The following TBC1D8 variants were observed in gnomAD, a reference collection of about 807,000 sequenced individuals.
TBC1D8 encodes TBC1 domain family member 8, also known as BUB2-like protein 1.
In TBC1D8, 65 loss-of-function variants were observed where a neutral mutation model predicts 118.8. The ratio of observed to expected loss-of-function variants is 0.55; its 90% CI spans 0.45 to 0.67. The LOEUF (loss-of-function observed/expected upper bound fraction) is 0.67. TBC1D8 is among the 30% of genes least tolerant of loss of function. The pLI, the probability that TBC1D8 is intolerant of heterozygous loss-of-function variation, is 0.00. For missense variants in TBC1D8, 1,376 were observed against 1,471.2 expected, an observed-to-expected ratio of 0.94 and a Z score of 1.06; for synonymous variants, 566 against 595.8, an observed-to-expected ratio of 0.95 and a Z score of 0.73.
intron 1 of TBC1D8, among the ~76,000 whole-genome samples, chr2:101,122,797 G>A (rs954030416): frequency 1.2e-4 from 18 of 152,162 alleles, no homozygotes; most frequent in African/African-American, 3.9e-4. Flanking sequence ...ATCCGCTTGC[G>A]TTTTTCAACA....
chr2:101,139,139 C>T (rs752273210), intron 1 of TBC1D8, among the ~76,000 whole-genome samples: 4 of 151,994 alleles, frequency 2.6e-5, no homozygotes, highest in African/African-American at 7.2e-5. Flanking sequence ...CAACATTCCT[C>T]CGGAACTGGC....
intron 1 of TBC1D8, among the ~76,000 whole-genome samples, chr2:101,107,631 A>G (rs548753591): frequency 6.6e-6 from 1 of 152,334 alleles, no homozygotes; most frequent in Admixed American, 6.5e-5. Context: ...AGCAATGAGC[A>G]CACATAGAGC....
In TBC1D8 at chr2:101,032,250, G is replaced by A; in HGVS notation, c.1936+18C>T. 1 of 1,608,560 alleles carries A rather than the reference G, an allele frequency of 6.2e-7. No individual in the cohort carries two copies. Among genetic ancestry groups the A allele is most frequent in the Non-Finnish European group, 8.5e-7 (1 of 1,175,622 alleles). On this transcript the variant is annotated intron_variant, in intron 11 of 19. Coordinates refer to ENST00000409318, the MANE Select transcript of TBC1D8 (RefSeq NM_001330348.2). ...ACTCTTCCCCAGATACACAGGAGGAGGAAGGGGGTCTGTTTACCGATCACT... is the reference window on the plus strand; with the variant it reads ...ACTCTTCCCCAGATACACAGGAGGAAGAAGGGGGTCTGTTTACCGATCACT...
At chr2:101,069,517 C>T (rs1041048899) in intron 2 of TBC1D8, among the ~76,000 whole-genome samples, 7 of 152,072 alleles carry the variant, frequency 4.6e-5, no homozygotes, top group Non-Finnish European at 8.8e-5. Context: ...ACCTGGGAGG[C>T]GGAGGTTGCA....
chr2:101,143,290 T>C (rs1357985638), intron 1 of TBC1D8, among the ~76,000 whole-genome samples: 1 of 152,116 alleles, frequency 6.6e-6, no homozygotes, highest in African/African-American at 2.4e-5. Context: ...CTCGAACTGC[T>C]GACCTCGTGA....
Position 101,011,022 on chromosome 2 carries a change from A to C in TBC1D8, c.2922T>G (p.Asp974Glu). 6.2e-7 allele frequency: 1 copy of C among 1,611,852 alleles called. No individual in the cohort carries two copies. The highest frequency in any genetic ancestry group is 8.5e-7 in the Non-Finnish European group (1 of 1,179,596). The change falls in exon 19 of 20, where the codon GAT (aspartate) becomes GAG (glutamate). Residue 974 changes from aspartate (D) to glutamate (E), a missense_variant. Coordinates refer to ENST00000409318, the MANE Select transcript of TBC1D8 (RefSeq NM_001330348.2). ...TCAGCTGTTTCTGATAATCAACTGC[A>C]TCACCTTGAAACAAAGGAAAACAAT... The part of the protein sequence containing the change: ...RPLVFGKPNG[D>E]AVDYQKQLKQ...
chr2:101,033,326 G>A, intron 10 of TBC1D8: 3 of 649,594 alleles, frequency 4.6e-6, no homozygotes, highest in Non-Finnish European at 8.4e-6. Flanking sequence ...TGTTGGCCAG[G>A]ATGGTCTCGA....
chr2:101,018,741 A>G (rs950922005), intron 17 of TBC1D8, among the ~76,000 whole-genome samples: 1 of 152,110 alleles, frequency 6.6e-6, no homozygotes, highest in Non-Finnish European at 1.5e-5. Context: ...AAACCTCCAA[A>G]TTGTCTCATT....
At chr2:101,136,399 T>A (rs569246134) in intron 1 of TBC1D8, among the ~76,000 whole-genome samples, 1 of 152,190 alleles carries the variant, frequency 6.6e-6, no homozygotes, top group Non-Finnish European at 1.5e-5. Context: ...TCCTGAGGCC[T>A]CACCAGAAGC....
intron 5 of TBC1D8, 72 bp downstream of exon 5, chr2:101,050,329 G>A (rs1438947978): frequency 3.9e-6 from 6 of 1,540,902 alleles, no homozygotes; most frequent in Non-Finnish European, 5.2e-6. Flanking sequence ...AAAAGCACTT[G>A]TACATAAGGG....
rs1275010111 is a variant in TBC1D8, at chr2:101,008,428, T to G, written c.3016-155A>C. ...GTCTCTGCCTTTCCACTCTAAACTATTAACAGTGGTGATTCCTGGGAATTT... is the reference window on the plus strand; with the variant it reads ...GTCTCTGCCTTTCCACTCTAAACTAGTAACAGTGGTGATTCCTGGGAATTT... On this transcript the variant is annotated intron_variant, in intron 19 of 19. Transcript: ENST00000409318. Among the ~76,000 whole-genome samples the G allele has an allele frequency of 2.6e-5, 4 of 152,162 alleles. No homozygotes were observed. In the East Asian group the frequency reaches 7.7e-4, roughly 29 times the overall value.
chr2:101,117,845 G>A (rs910462496), intron 1 of TBC1D8, among the ~76,000 whole-genome samples: 1 of 149,444 alleles, frequency 6.7e-6, no homozygotes, highest in African/African-American at 2.5e-5. Flanking sequence ...AAAGTGCTGG[G>A]ATTACAGGCG....
At chr2:101,144,175 T>G (rs1679230004) in intron 1 of TBC1D8, among the ~76,000 whole-genome samples, 1 of 152,196 alleles carries the variant, frequency 6.6e-6, no homozygotes, top group African/African-American at 2.4e-5. Flanking sequence ...TCAAGAGTGC[T>G]CTGGTGACAA....
intron 2 of TBC1D8, among the ~76,000 whole-genome samples, chr2:101,070,717 AATCTG>A (rs761971407): frequency 3.4e-4 from 51 of 152,078 alleles, no homozygotes; most frequent in South Asian, 4.1e-4. Flanking sequence ...CCAGCCAACA[AATCTG>A]ATTTTTAAGA....
At chr2:101,119,925 G>C (rs1422964177) in intron 1 of TBC1D8, among the ~76,000 whole-genome samples, 1 of 152,124 alleles carries the variant, frequency 6.6e-6, no homozygotes. Flanking sequence ...GCAACATGAA[G>C]ATAATAGTCT....
At chr2:101,149,202 A>G (rs949249449) in intron 1 of TBC1D8, among the ~76,000 whole-genome samples, 2 of 152,174 alleles carry the variant, frequency 1.3e-5, no homozygotes, top group Non-Finnish European at 2.9e-5. Flanking sequence ...GTAAGTCCAA[A>G]CCGAAGTAAA....
At chr2:101,011,623 A>C in intron 17 of TBC1D8, 83 bp from the exon 18 acceptor site, 1 of 1,450,444 alleles carries the variant, frequency 6.9e-7, no homozygotes, top group Non-Finnish European at 9.6e-7. Flanking sequence ...TAGGCAACTA[A>C]AGGCTAAGCC....
At chr2:101,052,479 C>CTTT (rs3043690) in intron 4 of TBC1D8, among the ~76,000 whole-genome samples, 3,036 of 138,760 alleles carry the variant, frequency 0.022, 135 homozygotes, top group African/African-American at 0.066. Flanking sequence ...TTTCCTAAAT[C>CTTT]TTTTTTTTTT....
chr2:101,044,182 A>G (rs1384226015), intron 5 of TBC1D8, among the ~76,000 whole-genome samples: 2 of 152,240 alleles, frequency 1.3e-5, no homozygotes, highest in African/African-American at 4.8e-5. Context: ...AGTTACAAAC[A>G]AATAAGCAAC....
Sources: allele counts gnomAD v4.1 joint callset (sites outside exome capture counted in the v4.1 genomes callset), GRCh38; gene constraint gnomAD v4.1.1; transcripts MANE v1.5; gene names NCBI Gene and HGNC (gene_info 2026-07-23, HGNC 2026-07-21).